EFCAB5: variants seen among roughly 807,000 people sequenced by gnomAD.
EFCAB5 encodes EF-hand calcium-binding domain-containing protein 5.
Under a neutral mutation model 167.9 loss-of-function variants are expected in EFCAB5, and 131 were observed. The ratio of observed to expected loss-of-function variants is 0.78; its 90% confidence interval spans 0.68 to 0.90. The LOEUF (loss-of-function observed/expected upper bound fraction) is 0.90. Ranked by LOEUF, EFCAB5 falls within the 40% of genes least tolerant of loss-of-function variation. EFCAB5 has a pLI of 0.00. For synonymous variants in EFCAB5, 574 were observed against 602.8 expected (o/e 0.95, Z 0.70); for missense variants, 1,663 against 1,745.2 (o/e 0.95, Z 0.84).
At chr17:30,049,293 A>G (rs1443766242) in intron 8 of EFCAB5, among the ~76,000 whole-genome samples, 4 of 152,138 alleles carry the variant, frequency 2.6e-5, no homozygotes, top group Non-Finnish European at 5.9e-5. Flanking sequence ...TACCCTGGCC[A>G]ACATGGTGAA....
At chr17:29,976,923 A>G (rs2068073901) in intron 4 of EFCAB5, among the ~76,000 whole-genome samples, 1 of 152,118 alleles carries the variant, frequency 6.6e-6, no homozygotes, top group Non-Finnish European at 1.5e-5. Context: ...ATATCTGAAA[A>G]ATACAGTATC....
intron 14 of EFCAB5, among the ~76,000 whole-genome samples, chr17:30,060,121 A>G (rs1017013508): frequency 1.3e-5 from 2 of 152,244 alleles, no homozygotes; most frequent in Non-Finnish European, 2.9e-5. Context: ...TTAAATCTAT[A>G]TAGTTAGATT....
rs560020987 is a variant in EFCAB5 at position 30,056,952 on chromosome 17, A to G, written c.2366-724A>G. ...TAATCATTTTTTTTAATCACATCAA[A>G]TCTCATATAGAAGGTATAAGGGCAT... On this transcript the variant is annotated intron_variant, in intron 12 of 22. Coordinates refer to ENST00000394835, the MANE Select transcript of EFCAB5 (RefSeq NM_198529.4). Among the ~76,000 whole-genome samples, 59 of 152,244 alleles carry G rather than the reference A, an allele frequency of 3.9e-4. 1 individual carries two copies. The highest frequency in any genetic ancestry group is 1.4e-3 in the African/African-American group (58 of 41,542).
intron 7 of EFCAB5, among the ~76,000 whole-genome samples, chr17:30,001,257 T>G (rs537368676): frequency 7.9e-5 from 12 of 152,170 alleles, no homozygotes; most frequent in Admixed American, 5.9e-4. Flanking sequence ...CTCCATAAAT[T>G]AAAATTCCAC....
intron 3 of EFCAB5, among the ~76,000 whole-genome samples, chr17:29,955,311 G>C (rs2067591823): frequency 6.6e-6 from 1 of 152,164 alleles, no homozygotes. Flanking sequence ...CGTGTCATGG[G>C]AGGGACCTGG....
At chr17:30,019,581 G>A (rs2069125987) in intron 7 of EFCAB5, among the ~76,000 whole-genome samples, 1 of 151,896 alleles carries the variant, frequency 6.6e-6, no homozygotes, top group African/African-American at 2.4e-5. Context: ...GAGTAGCTGG[G>A]ATTACAAGTG....
At position 30,094,951 on chromosome 17, in the gene EFCAB5, G is replaced by T. The variant is rs142653216; in HGVS notation, c.4321+2015G>T. 1.7e-3 allele frequency among the ~76,000 whole-genome samples: 266 copies of T among 152,244 alleles called. 2 individuals carry two copies. Among genetic ancestry groups the T allele is most frequent in the African/African-American group, 6.1e-3 (253 of 41,550 alleles). On this transcript the variant is annotated intron_variant, in intron 22 of 22. Coordinates refer to ENST00000394835, the MANE Select transcript of EFCAB5 (RefSeq NM_198529.4). ...TACTATTCTCTGTCACTTTGCCTAA[G>T]ATACTCCTAGTAGTTGGTCTTTTCT...
chr17:30,051,010 ATTG>A, intron 8 of EFCAB5, 105 bp from the exon 9 acceptor site: 1 of 789,736 alleles, frequency 1.3e-6, no homozygotes, highest in Non-Finnish European at 2.1e-6. Context: ...CATGATAATG[ATTG>A]TTGTGGTGAT....
intron 19 of EFCAB5, among the ~76,000 whole-genome samples, chr17:30,088,940 T>A (rs75610308): frequency 2.2e-4 from 33 of 152,106 alleles, no homozygotes; most frequent in South Asian, 6.2e-4. Flanking sequence ...TCTTTTTTTT[T>A]ATGTATTTTT....
intron 22 of EFCAB5, among the ~76,000 whole-genome samples, chr17:30,098,915 C>T (rs1055175202): frequency 2.6e-5 from 4 of 152,206 alleles, no homozygotes; most frequent in South Asian, 2.1e-4. Flanking sequence ...AATAGGTAGC[C>T]GTTTGTATCT....
At chr17:30,093,416 T>C (rs1262787689) in intron 22 of EFCAB5, among the ~76,000 whole-genome samples, 5 of 152,348 alleles carry the variant, frequency 3.3e-5, no homozygotes, top group Non-Finnish European at 7.3e-5. Context: ...TCCACTGACC[T>C]GTATTCTCCC....
chr17:30,098,698 A>G (rs190810405), intron 22 of EFCAB5, among the ~76,000 whole-genome samples: 3 of 152,336 alleles, frequency 2.0e-5, no homozygotes, highest in African/African-American at 7.2e-5. Flanking sequence ...TTTAAAGTGT[A>G]GAATTTAGTG....
chr17:30,038,499 A>G (rs1404113908), intron 8 of EFCAB5, among the ~76,000 whole-genome samples: 1 of 152,234 alleles, frequency 6.6e-6, no homozygotes, highest in Non-Finnish European at 1.5e-5. Context: ...GAGATGTACA[A>G]GGAGATGAAT....
chr17:30,096,108 G>C (rs190346948), intron 22 of EFCAB5, among the ~76,000 whole-genome samples: 10 of 152,272 alleles, frequency 6.6e-5, no homozygotes, highest in Admixed American at 6.5e-4. Flanking sequence ...CAATGCACAA[G>C]AGAAGGGTAT....
At position 29,982,742 on chromosome 17, in the gene EFCAB5, A is replaced by G. The variant is rs115963061; in HGVS notation, c.768-10423A>G. 6.1e-3 allele frequency among the ~76,000 whole-genome samples: 936 copies of G among 152,338 alleles called. 7 individuals carry two copies. Among genetic ancestry groups the G allele is most frequent in the African/African-American group, 0.022 (894 of 41,568 alleles). ...GGTATACTGAGGTCACTCAAAGTTC[A>G]TGGTCAATTATCCACTTAAGCTGAT... On this transcript the variant is annotated intron_variant, in intron 4 of 22. Transcript: ENST00000394835.
At chr17:30,086,938 T>A in intron 18 of EFCAB5, 125 bp from the exon 19 acceptor site, 2 of 723,194 alleles carry the variant, frequency 2.8e-6, no homozygotes, top group South Asian at 4.1e-5. Context: ...AAGTAAAATG[T>A]CACTGTCCTT....
In EFCAB5 at chr17:30,059,706, A is replaced by G; in HGVS notation, c.2737+5A>G. The G allele has an allele frequency of 6.3e-7, 1 of 1,586,316 alleles. No homozygotes were observed. Among genetic ancestry groups the G allele is most frequent in the Non-Finnish European group, 8.6e-7 (1 of 1,164,620 alleles). ...AAAAAGAATCTATGAAGAAAGGTAA[A>G]ATATAAGAATGTTCTTATTTAAACT... On this transcript the variant is annotated splice_donor_5th_base_variant and intron_variant, in intron 14 of 22. Coordinates refer to ENST00000394835, the MANE Select transcript of EFCAB5 (RefSeq NM_198529.4).
chr17:29,950,298 C>T (rs969133774), intron 3 of EFCAB5, among the ~76,000 whole-genome samples: 3 of 150,428 alleles, frequency 2.0e-5, no homozygotes, highest in Admixed American at 1.3e-4. Flanking sequence ...CTTCCTTCCT[C>T]TCTTCCTTCC....
At position 29,965,153 on chromosome 17, in the gene EFCAB5, T is replaced by A. The variant is rs9907344; in HGVS notation, c.191-3638T>A. ...CTCCTGACCTTGGATTTGACTTTTTTAAATGTAATCACTTACAGCTATGTT... is the reference window on the plus strand; with the variant it reads ...CTCCTGACCTTGGATTTGACTTTTTAAAATGTAATCACTTACAGCTATGTT... On this transcript the variant is annotated intron_variant, in intron 3 of 22. Transcript: ENST00000394835. 6.3e-3 allele frequency among the ~76,000 whole-genome samples: 963 copies of A among 152,228 alleles called. 4 individuals carry two copies. The highest frequency in any genetic ancestry group is 0.022 in the African/African-American group (923 of 41,548).
Sources: gnomAD v4.1 joint callset for allele counts (sites outside exome capture counted in the v4.1 genomes callset) on GRCh38, gnomAD v4.1.1 for gene constraint, MANE v1.5 for transcripts, NCBI Gene and HGNC (gene_info 2026-07-23, HGNC 2026-07-21) for gene names.